Variants in FAM83G observed in about 807,000 individuals in gnomAD.
FAM83G encodes the protein protein FAM83G.
FAM83G carries 38 observed loss-of-function variants against 61.5 expected under a neutral mutation model. That is an observed-to-expected ratio of 0.62 (90% CI 0.48 to 0.81). FAM83G has a LOEUF of 0.81. Ranked by LOEUF, FAM83G falls within the 30% of genes least tolerant of loss-of-function variation. The pLI is 0.00. For synonymous variants in FAM83G, 470 were observed against 476.1 expected (o/e 0.99, Z 0.17); for missense variants, 989 against 1,133.6 (o/e 0.87, Z 1.83).
At chr17:18,976,751 C>T (rs2042989472) in intron 5 of FAM83G, 2 of 1,448,304 alleles carry the variant, frequency 1.4e-6, no homozygotes, top group Non-Finnish European at 1.9e-6. Context: ...GCTAATGGGA[C>T]ATCATCGTGC....
chr17:19,005,661 A>C (rs2043866675), upstream of FAM83G, among the ~76,000 whole-genome samples: 1 of 141,036 alleles, frequency 7.1e-6, no homozygotes, highest in African/African-American at 2.8e-5. Flanking sequence ...CCCCCCTCCA[A>C]GGCCTTCTCC....
chr17:18,988,364 G>A lies in FAM83G; in HGVS notation c.573C>T (p.Asp191=), dbSNP rs772916814. The A allele has an allele frequency of 6.2e-7, 1 of 1,614,232 alleles. No individual in the cohort carries two copies. Among genetic ancestry groups the A allele is most frequent in the Non-Finnish European group, 8.5e-7 (1 of 1,180,048 alleles). The stretch of plus-strand genomic sequence containing the variant: ...TCCTCTTGAAGCCGGCGTCCAGCAG[G>A]TCCTTGAAGATGTCCACGTCGGTGA... ...DMFTDVDIFK[D]LLDAGFKRKV... is the part of the protein sequence containing the mutation. The change falls in exon 3 of 6, where the codon GAC becomes GAT. Residue 191 remains aspartate, a synonymous_variant. Coordinates refer to ENST00000388995, the MANE Select transcript of FAM83G (RefSeq NM_001039999.3).
chr17:18,984,379 T>C (rs937166071), intron 3 of FAM83G, among the ~76,000 whole-genome samples: 8 of 142,912 alleles, frequency 5.6e-5, no homozygotes, highest in African/African-American at 2.1e-4. Context: ...ATACCCTGAA[T>C]CCACCACAGA....
intron 2 of FAM83G, among the ~76,000 whole-genome samples, chr17:18,988,721 G>A (rs900977334): frequency 6.6e-6 from 1 of 152,268 alleles, no homozygotes. Flanking sequence ...AACCTGATGT[G>A]TCAATGACCG....
intron 5 of FAM83G, among the ~76,000 whole-genome samples, chr17:18,973,638 C>CA (rs2042908623): frequency 6.6e-6 from 1 of 152,188 alleles, no homozygotes; most frequent in Admixed American, 6.5e-5. Context: ...GGGTAGCCCT[C>CA]AAAGATAGCC....
In FAM83G at chr17:18,993,327, C is replaced by T. The variant is rs556597059; in HGVS notation, c.523-4913G>A. Among the ~76,000 whole-genome samples, 8 of 152,326 alleles carry T rather than the reference C, an allele frequency of 5.3e-5. No homozygotes were observed. In the East Asian group the frequency reaches 1.5e-3, roughly 29 times the overall value. ...CCCAACTCCAGTGCAGCCCCAGCCT[C>T]CCCTGTCGTCACTCTGGCCTGTCTG... On this transcript the variant is annotated intron_variant, in intron 2 of 5. Transcript: ENST00000388995.
At chr17:18,973,682 G>C (rs950182558) in intron 5 of FAM83G, among the ~76,000 whole-genome samples, 6 of 152,096 alleles carry the variant, frequency 3.9e-5, no homozygotes, top group Non-Finnish European at 7.4e-5. Context: ...GCAGTTCTGT[G>C]TGTTGAGACC....
chr17:18,978,581 T>C lies in FAM83G; in HGVS notation c.1085A>G (p.Lys362Arg), dbSNP rs753263341. 11 of 1,613,098 alleles carry C rather than the reference T, an allele frequency of 6.8e-6. No individual in the cohort carries two copies. The highest frequency in any genetic ancestry group is 2.2e-5 in the East Asian group (1 of 44,868). Reference protein sequence around the residue: ...VKAKSVDEIAKISSEKQEAKK... With the variant: ...VKAKSVDEIARISSEKQEAKK... The stretch of plus-strand genomic sequence containing the variant: ...GGCCTCCTGCTTCTCAGAGGAGATC[T>C]TGGCAATCTCGTCGACGCTCTTGGC... Residue 362 changes from lysine (K) to arginine (R), a missense_variant, in exon 5 of 6, where the codon AAG (lysine) becomes AGG (arginine). Physicochemically the swap from Lys to Arg is conservative, Grantham distance 26 (BLOSUM62 2). Coordinates refer to ENST00000388995, the MANE Select transcript of FAM83G (RefSeq NM_001039999.3).
chr17:18,998,397 C>T (rs2043623467), intron 2 of FAM83G, among the ~76,000 whole-genome samples: 1 of 152,256 alleles, frequency 6.6e-6, no homozygotes, highest in Non-Finnish European at 1.5e-5. Context: ...CCAGGACCCT[C>T]AGCTGCAGGG....
upstream of FAM83G, chr17:19,004,919 G>A (rs896861405): frequency 6.6e-6 from 1 of 152,214 alleles, no homozygotes; most frequent in African/African-American, 2.4e-5. This position sits in a 1 kb window ranked among gnomAD's most constrained non-coding sequence, Gnocchi z 5.4. Flanking sequence ...GTCCCCTGGT[G>A]CCCGAATTCC....
At chr17:18,981,893 G>A (rs1191846667) in intron 3 of FAM83G, among the ~76,000 whole-genome samples, 1 of 152,172 alleles carries the variant, frequency 6.6e-6, no homozygotes, top group Non-Finnish European at 1.5e-5. Flanking sequence ...TTGAGAAGTC[G>A]GACAAAGATC....
chr17:18,978,906 G>GC, intron 4 of FAM83G, 56 bp from the exon 5 acceptor site: 2 of 1,583,932 alleles, frequency 1.3e-6, no homozygotes, highest in Non-Finnish European at 1.7e-6. Context: ...CCTCCGCCCA[G>GC]CCCCCGTGCA....
Position 18,971,313 on chromosome 17 carries a change from C to G in FAM83G, c.*46G>C, listed in dbSNP as rs371943662. ...CCTGTCTGCCCTCCGCGTCATGAGTCTGGGCTGGGGCCTCAGAAGGTGTGG... is the reference window on the plus strand; with the variant it reads ...CCTGTCTGCCCTCCGCGTCATGAGTGTGGGCTGGGGCCTCAGAAGGTGTGG... On this transcript the variant is annotated 3_prime_UTR_variant, in exon 6 of 6. Transcript: ENST00000388995. The surrounding 1 kb of genome is among the most constrained non-coding windows in gnomAD (Gnocchi z 5.5). 2 of 1,607,606 alleles carry G rather than the reference C, an allele frequency of 1.2e-6. No individual in the cohort carries two copies. Among genetic ancestry groups the G allele is most frequent in the African/African-American group, 1.3e-5 (1 of 74,802 alleles).
chr17:19,003,877 G>T lies in FAM83G; in HGVS notation c.165C>A (p.Ile55=), dbSNP rs759885072. Residue 55 remains isoleucine, a synonymous_variant, in exon 2 of 6, where the codon ATC becomes ATA. Transcript: ENST00000388995. This position sits in a 1 kb window ranked among gnomAD's most constrained non-coding sequence, Gnocchi z 4.5. ...GCTCCAGCTCCGAGAGGAAGTCTCG[G>T]ATGTTCTCCCGCTTGAGCACCTCGT... ...AFYEVLKREN[I]RDFLSELELK... 6.2e-7 allele frequency: 1 copy of T among 1,613,058 alleles called. No homozygotes were observed. The highest frequency in any genetic ancestry group is 1.3e-5 in the African/African-American group (1 of 75,040).
chr17:18,979,727 G>A (rs901464512), intron 3 of FAM83G, 54 bp from the exon 4 acceptor site: 3 of 1,602,616 alleles, frequency 1.9e-6, no homozygotes, highest in Non-Finnish European at 2.6e-6. Context: ...GACCACACAG[G>A]GCGAGGGGAG....
At position 18,977,957 on chromosome 17, in the gene FAM83G, A is replaced by T; in HGVS notation, c.1709T>A (p.Val570Glu). 6.3e-7 allele frequency: 1 copy of T among 1,595,174 alleles called. No individual in the cohort carries two copies. The highest frequency in any genetic ancestry group is 8.5e-7 in the Non-Finnish European group (1 of 1,170,410). Residue 570 changes from valine to glutamate, a missense_variant, in exon 5 of 6, where the codon GTG becomes GAG. Physicochemically the swap from Val to Glu is moderately radical, Grantham distance 121. Coordinates refer to ENST00000388995, the MANE Select transcript of FAM83G (RefSeq NM_001039999.3). ...CCCATCCAGCCCATTGGGGAGCCCC[A>T]CCCCGAGGCTCTCGGGGTCATCCTG... ...VTQDDPESLG[V>E]GLPNGLDGVE... is the part of the protein sequence containing the mutation.
rs769045878 is a variant in FAM83G at position 19,003,986 on chromosome 17, C to T, written c.56G>A (p.Ser19Asn). ...GTAGAAGAACTCAGGCTTGGACTCG[C>T]TGGAGCGCCAGTTCACATGGTTGTC... ...LDDNHVNWRS[S>N]ESKPEFFYSE... Residue 19 changes from serine (S) to asparagine (N), a missense_variant, in exon 2 of 6, where the codon AGC becomes AAC. This residue lies in a region of FAM83G where 371 missense variants were observed against 404.5 expected (regional missense o/e 0.92). Transcript: ENST00000388995. The surrounding 1 kb of genome is among the most constrained non-coding windows in gnomAD (Gnocchi z 4.5). 4 of 1,612,150 alleles carry T rather than the reference C, an allele frequency of 2.5e-6. No homozygotes were observed. The Admixed American group carries it at 6.7e-5, about 27-fold the overall frequency.
rs768324935 is a variant in FAM83G, at chr17:18,971,323, G to T, written c.*36C>A. 1 of 1,606,794 alleles carries T rather than the reference G, an allele frequency of 6.2e-7. No homozygotes were observed. Among genetic ancestry groups the T allele is most frequent in the Non-Finnish European group, 8.5e-7 (1 of 1,175,370 alleles). On this transcript the variant is annotated 3_prime_UTR_variant, in exon 6 of 6. Transcript: ENST00000388995. The surrounding 1 kb of genome is among the most constrained non-coding windows in gnomAD (Gnocchi z 5.5). ...CTCCGCGTCATGAGTCTGGGCTGGG[G>T]CCTCAGAAGGTGTGGCTCCAGGCTG...
chr17:18,976,262 A>C (rs1402535455), intron 5 of FAM83G: 1 of 152,292 alleles, frequency 6.6e-6, no homozygotes, highest in Non-Finnish European at 1.5e-5. Flanking sequence ...ATGGGTCCAA[A>C]TTACCGCTCC....
Sources: allele counts gnomAD v4.1 joint callset (sites outside exome capture counted in the v4.1 genomes callset), GRCh38; gene constraint gnomAD v4.1.1; regional missense constraint gnomAD v4.1.1; non-coding constraint Gnocchi (gnomAD v3.1); transcripts MANE v1.5; gene names NCBI Gene and HGNC (gene_info 2026-07-23, HGNC 2026-07-21).